Variants in ZSCAN32 observed in about 807,000 individuals in gnomAD.
The protein encoded by ZSCAN32 is zinc finger and SCAN domain-containing protein 32.
In ZSCAN32, 52 loss-of-function variants were observed where a neutral mutation model predicts 47.4. That is an observed-to-expected ratio of 1.10 (90% CI 0.88 to 1.38). The LOEUF (loss-of-function observed/expected upper bound fraction) is 1.38. Among genes scored for constraint, ZSCAN32 ranks in the 40% most tolerant of loss-of-function variants. ZSCAN32 has a pLI of 0.00. For missense variants in ZSCAN32, 959 were observed against 846.0 expected (o/e 1.13, Z -1.66); for synonymous variants, 346 against 305.7 (o/e 1.13, Z -1.38).
At chr16:3,396,509 A>T (rs2033380759) in intron 2 of ZSCAN32, among the ~76,000 whole-genome samples, 1 of 152,052 alleles carries the variant, frequency 6.6e-6, no homozygotes, top group South Asian at 2.1e-4. Flanking sequence ...AGGCTGACCA[A>T]CGTTCCTCTG....
chr16:3,393,229 A>T (rs7189488), intron 3 of ZSCAN32, among the ~76,000 whole-genome samples: 176 of 6,962 alleles, frequency 0.025, 21 homozygotes, highest in African/African-American at 0.081. Flanking sequence ...TATATATATA[A>T]ATTTATATAT....
chr16:3,386,757 CAGGT>C (rs1238456060), intron 5 of ZSCAN32, among the ~76,000 whole-genome samples: 1 of 151,958 alleles, frequency 6.6e-6, no homozygotes, highest in African/African-American at 2.4e-5. Context: ...CACATGGACA[CAGGT>C]AGGGGAACAT....
intron 3 of ZSCAN32, among the ~76,000 whole-genome samples, chr16:3,392,039 C>A (rs554377852): frequency 3.3e-5 from 5 of 152,150 alleles, no homozygotes; most frequent in African/African-American, 1.2e-4. Flanking sequence ...AAAATATAGA[C>A]CCTTGGAATA....
intron 1 of ZSCAN32, 140 bp from the exon 2 acceptor site, chr16:3,397,884 C>G (rs1011325410): frequency 2.3e-5 from 5 of 220,490 alleles, no homozygotes; most frequent in Non-Finnish European, 3.6e-5. Flanking sequence ...TAGATCTAGA[C>G]CATCCTGGCT....
chr16:3,390,436 G>T lies in ZSCAN32; in HGVS notation c.614C>A (p.Thr205Lys). The T allele has an allele frequency of 6.5e-7, 1 of 1,550,244 alleles. No homozygotes were observed. Among genetic ancestry groups the T allele is most frequent in the African/African-American group, 1.4e-5 (1 of 73,140 alleles). ...ACCACAGCTCACCTGGGACCCAGCT[G>T]TCCAGACCACAGCACCTGTCTCCTG... ...HDQETGAVVW[T>K]AGSQGPAMRD... Residue 205 changes from threonine to lysine, a missense_variant, in exon 4 of 7, where the codon ACA (threonine) becomes AAA (lysine). Thr to Lys is a moderately conservative substitution (Grantham distance 78). Transcript: ENST00000396852.
At chr16:3,393,563 C>T in intron 3 of ZSCAN32, 86 bp downstream of exon 3, 1 of 1,337,528 alleles carries the variant, frequency 7.5e-7, no homozygotes, top group Non-Finnish European at 9.9e-7. Context: ...AGTCTGGAAC[C>T]CTTGGGTGGA....
At chr16:3,400,294 T>C (rs1036792153) in intron 1 of ZSCAN32, among the ~76,000 whole-genome samples, 3 of 152,144 alleles carry the variant, frequency 2.0e-5, no homozygotes, top group African/African-American at 7.2e-5. Context: ...TGAAGTATCT[T>C]GCCTAAAGCA....
At chr16:3,400,423 T>C (rs2033780749) in intron 1 of ZSCAN32, among the ~76,000 whole-genome samples, 1 of 152,286 alleles carries the variant, frequency 6.6e-6, no homozygotes, top group Middle Eastern at 3.4e-3. Flanking sequence ...CTCTTCTAAC[T>C]TCATGCAGAA....
intron 1 of ZSCAN32, among the ~76,000 whole-genome samples, chr16:3,399,147 C>T (rs1352692334): frequency 3.9e-5 from 6 of 152,110 alleles, no homozygotes; most frequent in African/African-American, 9.7e-5. Context: ...CGCTTGAACC[C>T]GGGAGGCGGA....
At chr16:3,392,657 C>T (rs1326507720) in intron 3 of ZSCAN32, among the ~76,000 whole-genome samples, 1 of 152,064 alleles carries the variant, frequency 6.6e-6, no homozygotes. Context: ...GAAACGCCGT[C>T]TCTACTAAAA....
chr16:3,396,818 G>T (rs1278774983), intron 2 of ZSCAN32, among the ~76,000 whole-genome samples: 1 of 152,174 alleles, frequency 6.6e-6, no homozygotes, highest in Non-Finnish European at 1.5e-5. Flanking sequence ...TACAACACAT[G>T]TCACTCTGCC....
At chr16:3,385,603 C>T (rs1326821085) in intron 5 of ZSCAN32, among the ~76,000 whole-genome samples, 1 of 152,116 alleles carries the variant, frequency 6.6e-6, no homozygotes, top group Admixed American at 6.6e-5. Context: ...GAGAAATAGA[C>T]CAATGGAACA....
chr16:3,384,386 C>G (rs1170794968), intron 6 of ZSCAN32, 73 bp downstream of exon 6: 1 of 1,579,668 alleles, frequency 6.3e-7, no homozygotes, highest in African/African-American at 1.4e-5. Context: ...ACAGCTCCTA[C>G]TCAACTGCTA....
chr16:3,385,586 A>C (rs2031875077), intron 5 of ZSCAN32, among the ~76,000 whole-genome samples: 1 of 152,336 alleles, frequency 6.6e-6, no homozygotes, highest in African/African-American at 2.4e-5. Context: ...GTACTGGTAC[A>C]AAAACAGAGA....
At chr16:3,384,131 A>G in intron 6 of ZSCAN32, 1 of 532,884 alleles carries the variant, frequency 1.9e-6, no homozygotes, top group African/African-American at 1.9e-5. Context: ...GCATAGGCTC[A>G]GGCTGTGAAA....
intron 1 of ZSCAN32, among the ~76,000 whole-genome samples, chr16:3,399,103 G>A (rs187798294): frequency 1.4e-3 from 218 of 152,268 alleles, no homozygotes; most frequent in African/African-American, 4.5e-3. Flanking sequence ...CGCACCTGTA[G>A]TCGCAGCTAC....
rs1273231655 is a variant in ZSCAN32, at chr16:3,384,536, C to T, written c.1157G>A (p.Arg386Lys). 2.5e-6 allele frequency: 4 copies of T among 1,614,056 alleles called. No homozygotes were observed. The highest frequency in any genetic ancestry group is 3.4e-6 in the Non-Finnish European group (4 of 1,180,048). The change falls in exon 6 of 7, where the codon AGG (arginine) becomes AAG (lysine). Residue 386 changes from arginine (R) to lysine (K), a missense_variant. By Grantham distance (26) the Arg-to-Lys change is conservative. Coordinates refer to ENST00000396852, the MANE Select transcript of ZSCAN32 (RefSeq NM_001284527.2). ...VEDGTVDGAD[R>K]DEKDFRNPGQ... ...AGGATTCCTGAAGTCCTTTTCATCC[C>T]TGTCTGCACCATCCACAGTGCCATC...
At chr16:3,385,308 G>C (rs1186557505) in intron 5 of ZSCAN32, among the ~76,000 whole-genome samples, 2 of 152,118 alleles carry the variant, frequency 1.3e-5, no homozygotes, top group East Asian at 1.9e-4. Context: ...CCTGATGACA[G>C]AGAGAGAATG....
chr16:3,384,323 C>G, intron 6 of ZSCAN32, 136 bp downstream of exon 6: 1 of 1,345,024 alleles, frequency 7.4e-7, no homozygotes, highest in Non-Finnish European at 1.0e-6. Flanking sequence ...TCCATGAAAA[C>G]CAAAACTTGG....
Sources: gnomAD v4.1 joint callset for allele counts (sites outside exome capture counted in the v4.1 genomes callset) on GRCh38, gnomAD v4.1.1 for gene constraint, MANE v1.5 for transcripts, NCBI Gene and HGNC (gene_info 2026-07-23, HGNC 2026-07-21) for gene names.